Variants in KRT23 observed in about 807,000 individuals in gnomAD.
KRT23 encodes the protein keratin, type I cytoskeletal 23.
A neutral mutation model predicts 47.6 loss-of-function variants in KRT23; 38 were observed. That is an observed-to-expected ratio of 0.80 (90% confidence interval 0.62 to 1.05). KRT23 has a LOEUF of 1.05. KRT23 is among the 50% of genes least tolerant of loss of function. The probability of loss-of-function intolerance (pLI) is 0.00; values close to 1 mark genes in which losing one functional copy is unlikely to be tolerated. For synonymous variants in KRT23, 191 were observed against 199.0 expected (o/e 0.96, Z 0.34); for missense variants, 503 against 529.5 (o/e 0.95, Z 0.49).
At chr17:40,924,757 G>GC (rs2143432032) in intron 7 of KRT23, among the ~76,000 whole-genome samples, 1 of 152,302 alleles carries the variant, frequency 6.6e-6, no homozygotes, top group East Asian at 1.9e-4. Context: ...TCAGCTGCAA[G>GC]CTTGGTTTTC....
intron 8 of KRT23, among the ~76,000 whole-genome samples, chr17:40,923,746 G>T (rs750088411): frequency 3.3e-5 from 5 of 152,206 alleles, no homozygotes; most frequent in Non-Finnish European, 5.9e-5. Context: ...ATGGGTAGCA[G>T]TGAGACCAGC....
chr17:40,923,521 T>C (rs1335158288), intron 8 of KRT23, among the ~76,000 whole-genome samples: 1 of 152,280 alleles, frequency 6.6e-6, no homozygotes, highest in Non-Finnish European at 1.5e-5. Flanking sequence ...TTACCATGGC[T>C]GTTTTCAAAT....
chr17:40,924,658 C>T (rs730927), intron 7 of KRT23, among the ~76,000 whole-genome samples, 155 bp from the exon 8 acceptor site: 12,926 of 152,166 alleles, frequency 0.085, 605 homozygotes, highest in South Asian at 0.16. Flanking sequence ...CATGGGTTCA[C>T]GGGAGAACCC....
Position 40,922,775 on chromosome 17 carries a change from G to T in KRT23, c.*214C>A. 1 of 458,474 alleles carries T rather than the reference G, an allele frequency of 2.2e-6. No individual in the cohort carries two copies. The highest frequency in any genetic ancestry group is 3.1e-5 in the South Asian group (1 of 32,016). 28.4% of individuals were successfully genotyped at this position (458,474 alleles called of 1,614,324 possible). A position where few individuals can be genotyped will look rare whatever the true frequency, so the allele number is the denominator to read the frequency against. Reference sequence around the variant, plus strand: ...CTGAAGGCTGCAGTAGGAAAGTAGAGCTTTACCCTCATAAACTCGCACTTT... The same window carrying T: ...CTGAAGGCTGCAGTAGGAAAGTAGATCTTTACCCTCATAAACTCGCACTTT... On this transcript the variant is annotated 3_prime_UTR_variant, in exon 9 of 9. Transcript: ENST00000209718.
rs973494814 is a variant in KRT23, at chr17:40,925,487, C to T, written c.1009G>A (p.Glu337Lys). The T allele has an allele frequency of 3.7e-6, 6 of 1,614,048 alleles. No homozygotes were observed. Among genetic ancestry groups the T allele is most frequent in the South Asian group, 1.1e-5 (1 of 91,092 alleles). The part of the protein sequence containing the change: ...QDMQEIISHY[E>K]EELTQLRHEL... ...TGGCGTAGCTGCGTCAGTTCCTCCTCATAGTGGGAGATGATCTCTTGCATG... is the reference window on the plus strand; with the variant it reads ...TGGCGTAGCTGCGTCAGTTCCTCCTTATAGTGGGAGATGATCTCTTGCATG... Residue 337 changes from glutamate to lysine, a missense_variant, in exon 7 of 9, where the codon GAG becomes AAG. Coordinates refer to ENST00000209718, the MANE Select transcript of KRT23 (RefSeq NM_015515.5).
In KRT23 at chr17:40,936,398, C is replaced by T. The variant is rs778677525; in HGVS notation, c.206G>A (p.Gly69Asp). ...WGSGRSSPLLGGNGKATMQNL... is the reference protein window; with the variant it reads ...WGSGRSSPLLDGNGKATMQNL... ...CTGCATGGTGGCCTTCCCATTTCCG[C>T]CTAGTAGGGGGCTGCTTCTTCCAGA... Residue 69 changes from glycine to aspartate, a missense_variant, in exon 2 of 9, where the codon GGC becomes GAC. Physicochemically the swap from Gly to Asp is moderately conservative, Grantham distance 94. Coordinates refer to ENST00000209718, the MANE Select transcript of KRT23 (RefSeq NM_015515.5). 3 of 1,614,132 alleles carry T rather than the reference C, an allele frequency of 1.9e-6. No individual in the cohort carries two copies. Among genetic ancestry groups the T allele is most frequent in the South Asian group, 2.2e-5 (2 of 91,088 alleles).
intron 3 of KRT23, among the ~76,000 whole-genome samples, chr17:40,930,772 C>T (rs200759197): frequency 6.7e-6 from 1 of 149,022 alleles, no homozygotes; most frequent in African/African-American, 2.5e-5. Flanking sequence ...CAAAAATAAA[C>T]AAATAAATAA....
intron 6 of KRT23, among the ~76,000 whole-genome samples, chr17:40,926,065 A>G (rs1909206219): frequency 6.6e-6 from 1 of 152,170 alleles, no homozygotes; most frequent in African/African-American, 2.4e-5. Context: ...TGAGTATTCT[A>G]TATTTTAATT....
At chr17:40,930,119 AG>A (rs1909550538) in intron 3 of KRT23, 23 bp from the exon 4 acceptor site, 1 of 1,602,158 alleles carries the variant, frequency 6.2e-7, no homozygotes, top group Non-Finnish European at 8.5e-7. Flanking sequence ...GGAAGAGAAG[AG>A]TGCACTCATT....
chr17:40,928,238 C>T lies in KRT23; in HGVS notation c.921G>A (p.Thr307=), dbSNP rs764539271. ...LEIDLQTQYS[T]KSALENMLSE... ...CACGGTTTTCCTAGCCTTGACTCAC[C>T]GTGCTGTACTGTGTCTGCAGGTCAA... is the stretch of plus-strand genomic sequence containing the variant. The change falls in exon 6 of 9, where the codon ACG becomes ACA. Residue 307 remains threonine (T), a splice_region_variant and synonymous_variant. Transcript: ENST00000209718. 23 of 1,613,686 alleles carry T rather than the reference C, an allele frequency of 1.4e-5. No individual in the cohort carries two copies. Among genetic ancestry groups the T allele is most frequent in the East Asian group, 6.7e-5 (3 of 44,886 alleles).
Position 40,928,397 on chromosome 17 carries a change from G to A in KRT23, c.799-37C>T, listed in dbSNP as rs116713622. ...AGCAAGGCAAAGGCGTCAGCATTGG[G>A]ACCTCATGGAAATGCAACCTTTGGG... On this transcript the variant is annotated intron_variant, in intron 5 of 8. Transcript: ENST00000209718. 3,790 of 1,614,078 alleles carry A rather than the reference G, an allele frequency of 2.3e-3. 91 individuals are homozygous for A. In the African/African-American group the frequency reaches 0.045, roughly 19 times the overall value.
chr17:40,928,421 G>C (rs773667159), intron 5 of KRT23, 25 bp downstream of exon 5: 11 of 1,613,964 alleles, frequency 6.8e-6, no homozygotes, highest in Non-Finnish European at 7.6e-6. Context: ...GCAACCTTTG[G>C]GAAGTTTGTG....
chr17:40,925,400 T>G lies in KRT23; in HGVS notation c.1096A>C (p.Lys366Gln). 1.2e-6 allele frequency: 2 copies of G among 1,614,012 alleles called. No individual in the cohort carries two copies. The highest frequency in any genetic ancestry group is 1.7e-6 in the Non-Finnish European group (2 of 1,180,028). The change falls in exon 7 of 9, where the codon AAG becomes CAG. Residue 366 changes from lysine (K) to glutamine (Q), a missense_variant. Lys to Gln is a moderately conservative substitution (Grantham distance 53). Transcript: ENST00000209718. The part of the protein sequence containing the change: ...VLLGIKTHLE[K>Q]EITTYRRLLE... ...AGCCGTCGGTACGTGGTGATTTCCT[T>G]CTCCAGGTGGGTTTTGATGCCCAGC...
rs777084466 is a variant in KRT23, at chr17:40,922,991, A to C, written c.1267T>G (p.Ter423GlyextTer3). 3.7e-6 allele frequency: 6 copies of C among 1,610,982 alleles called. No individual in the cohort carries two copies. Among genetic ancestry groups the C allele is most frequent in the Non-Finnish European group, 5.1e-6 (6 of 1,177,270 alleles). Residue 423 changes from the stop codon to glycine, a stop_lost, in exon 9 of 9, where the codon TGA becomes GGA. Coordinates refer to ENST00000209718, the MANE Select transcript of KRT23 (RefSeq NM_015515.5). Reference protein sequence around the residue: ...CQVNEIQKHA* With the variant: ...CQVNEIQKHAG ...ACAGGCGGAAACTTTCATTGGTCTC[A>C]TGCGTGCTTTTGGATTTCATTCACT... is the stretch of plus-strand genomic sequence containing the variant.
intron 2 of KRT23, among the ~76,000 whole-genome samples, chr17:40,932,755 C>G (rs1313064305): frequency 6.6e-6 from 1 of 152,246 alleles, no homozygotes; most frequent in Admixed American, 6.5e-5. Context: ...ACAAAGGCAC[C>G]TTTTAAAAGT....
Position 40,925,637 on chromosome 17 carries a change from T to C in KRT23, c.922-63A>G. ...GCTTGATTGAGTCAATAACAGGTGA[T>C]TGTTGAGTACTTAGCAGATGTCGAC... is the stretch of plus-strand genomic sequence containing the variant. On this transcript the variant is annotated intron_variant, in intron 6 of 8. Coordinates refer to ENST00000209718, the MANE Select transcript of KRT23 (RefSeq NM_015515.5). 3.2e-6 allele frequency: 4 copies of C among 1,256,820 alleles called. No homozygotes were observed. The South Asian group carries it at 3.8e-5, about 12-fold the overall frequency. 77.9% of individuals were successfully genotyped at this position (1,256,820 alleles called of 1,614,324 possible).
rs759121679 is a variant in KRT23 at position 40,922,937 on chromosome 17, A to G, written c.*52T>C. On this transcript the variant is annotated 3_prime_UTR_variant, in exon 9 of 9. Coordinates refer to ENST00000209718, the MANE Select transcript of KRT23 (RefSeq NM_015515.5). ...CTCACTCACTGGTGTCTGTGCAAGGACTTTCCTTGGGGGAAAATAGATTTT... is the reference window on the plus strand; with the variant it reads ...CTCACTCACTGGTGTCTGTGCAAGGGCTTTCCTTGGGGGAAAATAGATTTT... 7.6e-7 allele frequency: 1 copy of G among 1,308,274 alleles called. No homozygotes were observed. Among genetic ancestry groups the G allele is most frequent in the Non-Finnish European group, 1.1e-6 (1 of 902,288 alleles). The allele number at this position is 1,308,274 out of a possible 1,614,324, so 81.0% of individuals were successfully genotyped here.
At position 40,922,770 on chromosome 17, in the gene KRT23, G is replaced by A. The variant is rs1909000472; in HGVS notation, c.*219C>T. On this transcript the variant is annotated 3_prime_UTR_variant, in exon 9 of 9. Coordinates refer to ENST00000209718, the MANE Select transcript of KRT23 (RefSeq NM_015515.5). ...AGAATCTGAAGGCTGCAGTAGGAAA[G>A]TAGAGCTTTACCCTCATAAACTCGC... 2.3e-6 allele frequency: 1 copy of A among 428,748 alleles called. No homozygotes were observed. The highest frequency in any genetic ancestry group is 4.1e-6 in the Non-Finnish European group (1 of 241,756). The allele number at this position is 428,748 out of a possible 1,614,324, so 26.6% of individuals were successfully genotyped here.
chr17:40,936,344 A>G lies in KRT23; in HGVS notation c.260T>C (p.Leu87Pro), dbSNP rs771311454. The G allele has an allele frequency of 5.6e-6, 9 of 1,614,046 alleles. No individual in the cohort carries two copies. Among genetic ancestry groups the G allele is most frequent in the Non-Finnish European group, 1.7e-6 (2 of 1,180,034 alleles). The stretch of plus-strand genomic sequence containing the variant: ...CTCCTCCAGGGCGCGAACCTTCTCC[A>G]GGTAGGAGGCCAGGCGGTCGTTGAG... The part of the protein sequence containing the change: ...QNLNDRLASY[L>P]EKVRALEEAN... Residue 87 changes from leucine (L) to proline (P), a missense_variant, in exon 2 of 9, where the codon CTG becomes CCG. Leu to Pro is a moderately conservative substitution (Grantham distance 98, BLOSUM62 -3). Transcript: ENST00000209718.
Sources: gnomAD v4.1 joint callset for allele counts (sites outside exome capture counted in the v4.1 genomes callset) on GRCh38, gnomAD v4.1.1 for gene constraint, MANE v1.5 for transcripts, NCBI Gene and HGNC (gene_info 2026-07-23, HGNC 2026-07-21) for gene names.